The following CA8 variants were observed in gnomAD, a reference collection of about 807,000 sequenced individuals.
CA8 encodes the protein carbonic anhydrase 8 (inactive), also known as carbonic anhydrase-related protein.
In CA8, 22 loss-of-function variants were observed where a neutral mutation model predicts 41.4. The ratio of observed to expected loss-of-function variants is 0.53; its 90% confidence interval spans 0.38 to 0.76. CA8 has a LOEUF of 0.76. Ranked by LOEUF, CA8 falls within the 30% of genes least tolerant of loss-of-function variation. CA8 has a pLI of 0.00. For missense variants in CA8, 270 were observed against 352.8 expected (o/e 0.77, Z 1.88); for synonymous variants, 121 against 130.6 (o/e 0.93, Z 0.50).
At chr8:60,196,825 T>C (rs1806295022) in intron 8 of CA8, among the ~76,000 whole-genome samples, 1 of 152,174 alleles carries the variant, frequency 6.6e-6, no homozygotes, top group Admixed American at 6.6e-5. Flanking sequence ...CAGAAGATAC[T>C]AGTAAAGAGG....
chr8:60,188,792 ATCTGGTGTGAT>A lies in CA8; in HGVS notation c.*1218_*1228del, dbSNP rs1251094884. ...CTTTCTTTGCTTGAATTTCAGGGAT[ATCTGGTGTGAT>A]TTTCATTTGTATTTAATGCTTCCAT... On this transcript the variant is annotated 3_prime_UTR_variant, in exon 9 of 9. Coordinates refer to ENST00000317995, the MANE Select transcript of CA8 (RefSeq NM_004056.6). 1 of 152,088 alleles carries A rather than the reference ATCTGGTGTGAT, an allele frequency of 6.6e-6. No individual in the cohort carries two copies. The highest frequency in any genetic ancestry group is 6.6e-5 in the Admixed American group (1 of 15,242). The allele number at this position is 152,088 out of a possible 1,614,324, so 9.4% of individuals were successfully genotyped here. A position where few individuals can be genotyped will look rare whatever the true frequency, so the allele number is the denominator to read the frequency against.
At chr8:60,215,143 ACT>A (rs1268322033) in intron 7 of CA8, among the ~76,000 whole-genome samples, 1 of 152,094 alleles carries the variant, frequency 6.6e-6, no homozygotes, top group Admixed American at 6.5e-5. Flanking sequence ...CATTTTAATG[ACT>A]CTGTGAAATC....
At chr8:60,216,995 T>C (rs1807043194) in intron 7 of CA8, among the ~76,000 whole-genome samples, 1 of 152,238 alleles carries the variant, frequency 6.6e-6, no homozygotes, top group Non-Finnish European at 1.5e-5. Flanking sequence ...GTGATTCTCC[T>C]GCCTCAGCCT....
intron 8 of CA8, among the ~76,000 whole-genome samples, chr8:60,201,325 G>A (rs11776914): frequency 0.84 from 128,067 of 152,204 alleles, 54,554 homozygotes; most frequent in African/African-American, 0.96. Context: ...AGTGGTGACA[G>A]GCTGTGAGAA....
At chr8:60,227,626 T>C (rs1394840700) in intron 4 of CA8, among the ~76,000 whole-genome samples, 2 of 152,208 alleles carry the variant, frequency 1.3e-5, no homozygotes, top group Non-Finnish European at 2.9e-5. Context: ...TTATAGATCA[T>C]TGCTATAAAG....
chr8:60,196,153 A>G (rs1806274185), intron 8 of CA8, among the ~76,000 whole-genome samples: 1 of 152,194 alleles, frequency 6.6e-6, no homozygotes, highest in Non-Finnish European at 1.5e-5. Flanking sequence ...AAAACTATAT[A>G]AAGGTTAATA....
intron 3 of CA8, among the ~76,000 whole-genome samples, chr8:60,233,634 A>T (rs1316863967): frequency 6.6e-6 from 1 of 152,224 alleles, no homozygotes; most frequent in Non-Finnish European, 1.5e-5. Flanking sequence ...TCCAGCTGCA[A>T]CAACAGCATA....
intron 3 of CA8, among the ~76,000 whole-genome samples, chr8:60,246,331 T>G (rs1002334730): frequency 6.6e-6 from 1 of 152,236 alleles, no homozygotes; most frequent in Non-Finnish European, 1.5e-5. Context: ...CTTACTCTGT[T>G]GCTCAGGCCA....
intron 7 of CA8, among the ~76,000 whole-genome samples, chr8:60,217,146 A>G (rs1193333793): frequency 6.6e-6 from 1 of 152,168 alleles, no homozygotes; most frequent in Admixed American, 6.5e-5. Context: ...AGCCTCCTGA[A>G]GTGCTTGGAT....
intron 2 of CA8, among the ~76,000 whole-genome samples, chr8:60,274,286 C>G (rs1804159465): frequency 2.0e-5 from 3 of 152,112 alleles, no homozygotes; most frequent in Admixed American, 2.0e-4. Context: ...GAGGGCACAA[C>G]TTGCCAGAGC....
chr8:60,220,995 C>A (rs576997527), intron 7 of CA8, among the ~76,000 whole-genome samples: 1 of 152,072 alleles, frequency 6.6e-6, no homozygotes, highest in Non-Finnish European at 1.5e-5. Flanking sequence ...GCCTTCACTG[C>A]GAATCAGAAA....
rs57878452 is a variant in CA8, at chr8:60,190,432, AATATATATATATATATAT to A, written c.*36-465_*36-448del. On this transcript the variant is annotated intron_variant, in intron 8 of 8. Coordinates refer to ENST00000317995, the MANE Select transcript of CA8 (RefSeq NM_004056.6). ...TCTATTAAATAAATAATAAATGCAG[AATATATATATATATATAT>A]ATATATATATATATATATATATATA... 3.6e-3 allele frequency among the ~76,000 whole-genome samples: 358 copies of A among 99,342 alleles called. 1 individual carries two copies. The highest frequency in any genetic ancestry group is 9.8e-3 in the African/African-American group (250 of 25,634). 65.2% of individuals were successfully genotyped at this position (99,342 alleles called of 152,430 possible). A position where few individuals can be genotyped will look rare whatever the true frequency, so the allele number is the denominator to read the frequency against.
chr8:60,271,982 C>A (rs1804087982), intron 2 of CA8, among the ~76,000 whole-genome samples: 1 of 152,184 alleles, frequency 6.6e-6, no homozygotes, highest in African/African-American at 2.4e-5. Flanking sequence ...TCTCCATGCT[C>A]TAGGAGATAA....
intron 2 of CA8, among the ~76,000 whole-genome samples, chr8:60,275,596 G>A (rs1804206604): frequency 6.6e-6 from 1 of 151,838 alleles, no homozygotes; most frequent in Non-Finnish European, 1.5e-5. Context: ...GAAAGTAGAA[G>A]AGAAAGGGAA....
At chr8:60,240,472 T>G (rs747543992) in intron 3 of CA8, among the ~76,000 whole-genome samples, 44 of 152,228 alleles carry the variant, frequency 2.9e-4, no homozygotes, top group Admixed American at 7.2e-4. Context: ...TATTCTTATC[T>G]ATTTTCTTAA....
intron 8 of CA8, chr8:60,208,284 G>A (rs1003028658): frequency 6.1e-6 from 1 of 164,616 alleles, no homozygotes; most frequent in Non-Finnish European, 1.3e-5. Context: ...ATGCATGCCA[G>A]ATATGCTCCC....
chr8:60,200,337 C>T (rs565139753), intron 8 of CA8, among the ~76,000 whole-genome samples: 10 of 152,306 alleles, frequency 6.6e-5, no homozygotes, highest in East Asian at 1.9e-4. Flanking sequence ...TTCCCTTCTT[C>T]GGGAGATGGC....
At chr8:60,223,798 A>T (rs943590448) in intron 6 of CA8, among the ~76,000 whole-genome samples, 6 of 152,248 alleles carry the variant, frequency 3.9e-5, no homozygotes, top group Admixed American at 6.5e-5. Flanking sequence ...AGAAAATAGA[A>T]GATACAATGC....
At chr8:60,248,765 G>T (rs1356509081) in intron 3 of CA8, among the ~76,000 whole-genome samples, 1 of 152,060 alleles carries the variant, frequency 6.6e-6, no homozygotes, top group Non-Finnish European at 1.5e-5. Flanking sequence ...GAAATTCAAA[G>T]TAGTTTTTCT....
Sources: gnomAD v4.1 joint callset for allele counts (sites outside exome capture counted in the v4.1 genomes callset) on GRCh38, gnomAD v4.1.1 for gene constraint, MANE v1.5 for transcripts, NCBI Gene and HGNC (gene_info 2026-07-23, HGNC 2026-07-21) for gene names.